Variants in CLNK observed in about 807,000 individuals in gnomAD.
CLNK encodes cytokine dependent hematopoietic cell linker.
Under a neutral mutation model 68.6 loss-of-function variants are expected in CLNK, and 74 were observed. The ratio of observed to expected loss-of-function variants is 1.08; its 90% CI spans 0.89 to 1.31. The LOEUF (loss-of-function observed/expected upper bound fraction) is 1.31. Among genes scored for constraint, CLNK ranks in the 50% most tolerant of loss-of-function variants. The pLI is 0.00. For synonymous variants in CLNK, 198 were observed against 172.2 expected, an observed-to-expected ratio of 1.15 and a Z score of -1.17; for missense variants, 553 against 515.3, an observed-to-expected ratio of 1.07 and a Z score of -0.71.
chr4:10,500,867 T>C (rs1282918058), intron 18 of CLNK, among the ~76,000 whole-genome samples: 1 of 152,184 alleles, frequency 6.6e-6, no homozygotes. Flanking sequence ...CACATTCATT[T>C]TGGGGACACG....
chr4:10,518,976 A>T (rs7665423), intron 15 of CLNK, among the ~76,000 whole-genome samples: 148,698 of 152,288 alleles, frequency 0.98, 72,632 homozygotes, highest in East Asian at 1. Flanking sequence ...TGATGGAGGA[A>T]CATTGCAGGG....
At chr4:10,542,645 T>TGG (rs1719078984) in intron 8 of CLNK, among the ~76,000 whole-genome samples, 1 of 144,594 alleles carries the variant, frequency 6.9e-6, no homozygotes. Context: ...TATATGTGTG[T>TGG]GTGTGTGTGT....
At chr4:10,593,664 A>G (rs1348725535) in intron 3 of CLNK, among the ~76,000 whole-genome samples, 9 of 152,134 alleles carry the variant, frequency 5.9e-5, no homozygotes, top group Non-Finnish European at 1.2e-4. Flanking sequence ...AAAACAAAAC[A>G]AAACAAAACA....
intron 2 of CLNK, among the ~76,000 whole-genome samples, chr4:10,631,193 T>C (rs1230066340): frequency 6.6e-6 from 1 of 152,194 alleles, no homozygotes; most frequent in Admixed American, 6.5e-5. Context: ...GCTCTACAGG[T>C]TCTAGGCAGA....
In CLNK at chr4:10,663,862, C is replaced by A. The variant is rs146407743; in HGVS notation, c.11+3997G>T. 5.8e-3 allele frequency among the ~76,000 whole-genome samples: 887 copies of A among 152,158 alleles called. 3 individuals are homozygous for A. Among genetic ancestry groups the A allele is most frequent in the Admixed American group, 0.012 (178 of 15,292 alleles). ...AACTCCCGTGAAATGAGATTAGCACCCTTATAAAAGAGGTCCCAGAGACAT... is the reference window on the plus strand; with the variant it reads ...AACTCCCGTGAAATGAGATTAGCACACTTATAAAAGAGGTCCCAGAGACAT... On this transcript the variant is annotated intron_variant, in intron 2 of 18. Transcript: ENST00000226951.
chr4:10,538,031 C>T (rs1326519989), intron 11 of CLNK, among the ~76,000 whole-genome samples: 1 of 152,076 alleles, frequency 6.6e-6, no homozygotes, highest in Non-Finnish European at 1.5e-5. Flanking sequence ...AGATACTGTT[C>T]TTTCCAGCAT....
rs910831995 is a variant in CLNK, at chr4:10,583,279, CT to C, written c.112+1647del. ...GGCTGTTATTTCTTTCTCTCTCTCTCTTTTTTTTTCTTTTTTGAGACGGAGT... is the reference window on the plus strand; with the variant it reads ...GGCTGTTATTTCTTTCTCTCTCTCTCTTTTTTTTCTTTTTTGAGACGGAGT... On this transcript the variant is annotated intron_variant, in intron 4 of 18. Transcript: ENST00000226951. Among the ~76,000 whole-genome samples the C allele has an allele frequency of 2.8e-4, 42 of 151,370 alleles. No homozygotes were observed. The South Asian group carries it at 6.1e-3, about 22-fold the overall frequency.
At chr4:10,574,925 C>T (rs1314154001) in intron 4 of CLNK, among the ~76,000 whole-genome samples, 1 of 152,134 alleles carries the variant, frequency 6.6e-6, no homozygotes, top group Non-Finnish European at 1.5e-5. Flanking sequence ...TCACGCGGAC[C>T]CCCTTAGAGT....
At chr4:10,696,317 G>A in the CLNK span, among the ~76,000 whole-genome samples, 1 of 152,068 alleles carries the variant, frequency 6.6e-6, no homozygotes, top group Non-Finnish European at 1.5e-5. Context: ...ACTCAACATG[G>A]GCTTCATCTG....
chr4:10,514,492 C>T (rs1717744135), intron 15 of CLNK, among the ~76,000 whole-genome samples: 1 of 144,906 alleles, frequency 6.9e-6, no homozygotes, highest in East Asian at 2.0e-4. Flanking sequence ...GAAAAACAAG[C>T]AATGGGGAAA....
chr4:10,508,214 CAG>C (rs1717395603), intron 16 of CLNK, among the ~76,000 whole-genome samples, 178 bp from the exon 17 acceptor site: 4 of 152,180 alleles, frequency 2.6e-5, no homozygotes, highest in South Asian at 2.1e-4. Flanking sequence ...ATGCTTGGGG[CAG>C]AGAGACAGAA....
intron 2 of CLNK, among the ~76,000 whole-genome samples, chr4:10,639,414 G>C (rs1415909666): frequency 1.3e-5 from 2 of 152,174 alleles, no homozygotes; most frequent in East Asian, 3.9e-4. Flanking sequence ...TGTCCTGCTG[G>C]GCTGGGTGAG....
the CLNK span, among the ~76,000 whole-genome samples, chr4:10,702,778 C>G: frequency 6.6e-6 from 1 of 152,110 alleles, no homozygotes; most frequent in Non-Finnish European, 1.5e-5. Context: ...TTATGAAACA[C>G]CTAGAATACT....
In CLNK at chr4:10,487,960, G is replaced by C. The variant is rs1716423393; in HGVS notation, c.*2507C>G. On this transcript the variant is annotated 3_prime_UTR_variant, in exon 19 of 19. Transcript: ENST00000226951. ...CACTTCTAACTTTGTCCTGGTGTCT[G>C]AGTTCTAGAAAACCCGACACCCAAT... 6.6e-6 allele frequency: 1 copy of C among 152,066 alleles called. No homozygotes were observed. Among genetic ancestry groups the C allele is most frequent in the Admixed American group, 6.6e-5 (1 of 15,254 alleles). 9.4% of individuals were successfully genotyped at this position (152,066 alleles called of 1,614,324 possible). A position where few individuals can be genotyped will look rare whatever the true frequency, so the allele number is the denominator to read the frequency against.
chr4:10,657,673 G>A (rs941589615), intron 2 of CLNK, among the ~76,000 whole-genome samples: 2 of 152,124 alleles, frequency 1.3e-5, no homozygotes, highest in Admixed American at 1.3e-4. Flanking sequence ...GGAACAAATG[G>A]CAGCACAAAT....
chr4:10,718,838 T>A, the CLNK span, among the ~76,000 whole-genome samples: 1 of 152,080 alleles, frequency 6.6e-6, no homozygotes, highest in African/African-American at 2.4e-5. Flanking sequence ...GTCTAATATG[T>A]TCTAAATGTA....
chr4:10,652,825 C>T (rs1723805602), intron 2 of CLNK, among the ~76,000 whole-genome samples: 1 of 152,154 alleles, frequency 6.6e-6, no homozygotes, highest in African/African-American at 2.4e-5. Flanking sequence ...ACCTTCTTTT[C>T]ATGCACACAT....
At chr4:10,599,644 G>C (rs1721515594) in intron 2 of CLNK, among the ~76,000 whole-genome samples, 1 of 152,074 alleles carries the variant, frequency 6.6e-6, no homozygotes, top group African/African-American at 2.4e-5. Context: ...CTAGCGAGAA[G>C]CTCCATTGCT....
At chr4:10,526,937 G>A (rs532590765) in intron 13 of CLNK, among the ~76,000 whole-genome samples, 1 of 152,272 alleles carries the variant, frequency 6.6e-6, no homozygotes, top group Non-Finnish European at 1.5e-5. Context: ...ATAAAGCTAA[G>A]GGTGCATACA....
Sources: gnomAD v4.1 joint callset for allele counts (sites outside exome capture counted in the v4.1 genomes callset) on GRCh38, gnomAD v4.1.1 for gene constraint, MANE v1.5 for transcripts, NCBI Gene and HGNC (gene_info 2026-07-23, HGNC 2026-07-21) for gene names.